The following NDUFB2 variants were observed in gnomAD, a reference collection of about 807,000 sequenced individuals.
NDUFB2 encodes the protein NADH dehydrogenase [ubiquinone] 1 beta subcomplex subunit 2, mitochondrial.
A neutral mutation model predicts 13.4 loss-of-function variants in NDUFB2; 13 were observed. The ratio of observed to expected loss-of-function variants is 0.97; its 90% confidence interval spans 0.63 to 1.54. NDUFB2 has a LOEUF of 1.54. Among genes scored for constraint, NDUFB2 ranks in the 40% most tolerant of loss-of-function variants. The probability of loss-of-function intolerance (pLI) is 0.00; values close to 1 mark genes in which losing one functional copy is unlikely to be tolerated. For synonymous variants in NDUFB2, 47 were observed against 50.6 expected (o/e 0.93, Z 0.30); for missense variants, 150 against 139.7 (o/e 1.07, Z -0.37).
intron 1 of NDUFB2, chr7:140,697,990 G>T (rs767965867): frequency 2.2e-5 from 28 of 1,287,752 alleles, no homozygotes; most frequent in Non-Finnish European, 2.8e-5. Context: ...GAGCCACTGC[G>T]CTTGGTCTCA....
intron 2 of NDUFB2, 94 bp downstream of exon 2, chr7:140,703,104 T>C (rs1794919382): frequency 6.7e-7 from 1 of 1,486,100 alleles, no homozygotes; most frequent in South Asian, 1.3e-5. Flanking sequence ...ACCATTTTTC[T>C]GTCTGGACAT....
chr7:140,705,837 A>G (rs1046038846), intron 3 of NDUFB2, among the ~76,000 whole-genome samples: 2 of 152,152 alleles, frequency 1.3e-5, no homozygotes, highest in Admixed American at 6.5e-5. Context: ...ATATAGAACT[A>G]TATGAAAACT....
intron 1 of NDUFB2, chr7:140,697,068 C>G (rs1794819436): frequency 5.1e-6 from 3 of 593,586 alleles, no homozygotes; most frequent in Admixed American, 6.0e-5. Context: ...TGTGCAGGGC[C>G]GTCATGGTAG....
At chr7:140,697,310 C>T (rs1158004110) in intron 1 of NDUFB2, 3 of 702,758 alleles carry the variant, frequency 4.3e-6, no homozygotes, top group Non-Finnish European at 7.8e-6. Flanking sequence ...TAATCGGAGA[C>T]GTCACGTGGC....
chr7:140,698,774 T>G (rs1362037065), intron 1 of NDUFB2, among the ~76,000 whole-genome samples: 1 of 152,022 alleles, frequency 6.6e-6, no homozygotes, highest in East Asian at 1.9e-4. Flanking sequence ...TAGAGGGGGC[T>G]TTGGAGGACT....
intron 1 of NDUFB2, chr7:140,702,156 T>A (rs1205222850): frequency 1.5e-6 from 1 of 645,774 alleles, no homozygotes. Context: ...CTCTTAAAAA[T>A]TTTTTATCCA....
At chr7:140,705,069 C>A in intron 3 of NDUFB2, 106 bp downstream of exon 3, 1 of 524,544 alleles carries the variant, frequency 1.9e-6, no homozygotes, top group Non-Finnish European at 3.2e-6. Context: ...ATTCTAACAG[C>A]ATGAAGTTGA....
At chr7:140,697,353 C>T (rs748781225) in intron 1 of NDUFB2, 440 of 702,872 alleles carry the variant, frequency 6.3e-4, no homozygotes, top group Non-Finnish European at 9.5e-4. Context: ...ACTCTGGCTG[C>T]AGGGAGTGGA....
chr7:140,702,837 G>A (rs201970412), intron 1 of NDUFB2, 29 bp from the exon 2 acceptor site: 9 of 1,612,240 alleles, frequency 5.6e-6, no homozygotes, highest in East Asian at 4.5e-5. Context: ...AATGTAGCAC[G>A]CTGTCTGCCA....
At chr7:140,701,114 T>A (rs752699114) in intron 1 of NDUFB2, 1 of 151,976 alleles carries the variant, frequency 6.6e-6, no homozygotes, top group African/African-American at 2.4e-5. Flanking sequence ...GAAAAAAAAA[T>A]GGAATTTATC....
At chr7:140,697,927 TG>T in intron 1 of NDUFB2, 1 of 1,180,286 alleles carries the variant, frequency 8.5e-7, no homozygotes, top group Non-Finnish European at 1.1e-6. Flanking sequence ...CTCTAACTCC[TG>T]GGCTCAAGTG....
At chr7:140,698,603 T>C (rs979149688) in intron 1 of NDUFB2, among the ~76,000 whole-genome samples, 3 of 151,966 alleles carry the variant, frequency 2.0e-5, no homozygotes, top group Non-Finnish European at 4.4e-5. Context: ...AAGTCAGCCA[T>C]GCAGAGACCT....
Position 140,696,758 on chromosome 7 carries a change from C to T in NDUFB2, c.14C>T (p.Thr5Ile), listed in dbSNP as rs1222578512. 9.4e-6 allele frequency: 15 copies of T among 1,599,580 alleles called. No individual in the cohort carries two copies. Among genetic ancestry groups the T allele is most frequent in the Non-Finnish European group, 1.1e-5 (13 of 1,174,110 alleles). Residue 5 changes from threonine (T) to isoleucine (I), a missense_variant, in exon 1 of 4, where the codon ACT (threonine) becomes ATT (isoleucine). Thr to Ile is a moderately conservative substitution (Grantham distance 89). Transcript: ENST00000247866. Reference protein sequence around the residue: MSALTRLASFARVGG... With the variant: MSALIRLASFARVGG... The stretch of plus-strand genomic sequence containing the variant: ...ACGGGAGCGAGTATGTCCGCTCTGA[C>T]TCGGCTGGCGTCTTTCGCTCGCGTT...
chr7:140,701,498 TATGTAATCCC>T (rs1794896683), intron 1 of NDUFB2, among the ~76,000 whole-genome samples: 1 of 152,066 alleles, frequency 6.6e-6, no homozygotes, highest in Non-Finnish European at 1.5e-5. Context: ...TGTACACTTG[TATGTAATCCC>T]AGCTACTTGG....
chr7:140,700,796 A>G (rs963245007), intron 1 of NDUFB2: 2 of 152,082 alleles, frequency 1.3e-5, no homozygotes, highest in Non-Finnish European at 2.9e-5. Context: ...TCAAAAAAAA[A>G]AAAAAGCTCT....
intron 2 of NDUFB2, among the ~76,000 whole-genome samples, chr7:140,703,223 C>T (rs557093199): frequency 6.0e-5 from 9 of 150,594 alleles, no homozygotes; most frequent in Non-Finnish European, 1.0e-4. Context: ...TTAGGTGGTC[C>T]GTTTCTTATG....
chr7:140,698,047 G>T (rs759622753), intron 1 of NDUFB2: 18 of 1,301,308 alleles, frequency 1.4e-5, no homozygotes, highest in Non-Finnish European at 1.7e-5. Context: ...GACCGTACAA[G>T]TATTCTTTAA....
At chr7:140,702,604 C>G (rs779659422) in intron 1 of NDUFB2, 4 of 406,280 alleles carry the variant, frequency 9.8e-6, no homozygotes, top group Non-Finnish European at 1.7e-5. Flanking sequence ...TCAACACATT[C>G]AAATTTCTAG....
At chr7:140,706,060 T>TATGTTATGTGTTATG (rs1402496959) in intron 3 of NDUFB2, 8 of 125,038 alleles carry the variant, frequency 6.4e-5, no homozygotes, top group African/African-American at 2.8e-4. Flanking sequence ...TATGTTATGT[T>TATGTTATGTGTTATG]TTATGTTATG....
Sources: allele counts gnomAD v4.1 joint callset (sites outside exome capture counted in the v4.1 genomes callset), GRCh38; gene constraint gnomAD v4.1.1; transcripts MANE v1.5; gene names NCBI Gene and HGNC (gene_info 2026-07-23, HGNC 2026-07-21).